SRBD1: variants seen among roughly 807,000 people sequenced by gnomAD.
The protein encoded by SRBD1 is S1 RNA-binding domain-containing protein 1.
Under a neutral mutation model 115.3 loss-of-function variants are expected in SRBD1, and 88 were observed. The observed-to-expected ratio is 0.76, with a 90% CI of 0.64 to 0.91. The LOEUF is 0.91. SRBD1 is among the 40% of genes least tolerant of loss of function. The pLI is 0.00. For synonymous variants in SRBD1, 509 were observed against 407.7 expected (o/e 1.25, Z -2.99); for missense variants, 1,385 against 1,177.4 (o/e 1.18, Z -2.58).
chr2:45,468,305 C>T (rs554794238), intron 16 of SRBD1, among the ~76,000 whole-genome samples: 7 of 151,846 alleles, frequency 4.6e-5, no homozygotes, highest in Non-Finnish European at 1.0e-4. Context: ...ACAGTCTTGA[C>T]TTTACTAGTG....
rs575394994 is a variant in SRBD1, at chr2:45,404,946, T to C, written c.2513+8168A>G. On this transcript the variant is annotated intron_variant, in intron 19 of 20. Coordinates refer to ENST00000263736, the MANE Select transcript of SRBD1 (RefSeq NM_018079.5). ...TCTGGCTCCTCTTCCTGGAACTCTT[T>C]CTCTAGATATCTGCACAGCTAACTC... Among the ~76,000 whole-genome samples the C allele has an allele frequency of 4.6e-5, 7 of 152,192 alleles. No individual in the cohort carries two copies. The East Asian group carries it at 1.4e-3, about 29-fold the overall frequency.
intron 14 of SRBD1, among the ~76,000 whole-genome samples, chr2:45,513,444 GTTAA>G (rs1671030195): frequency 1.3e-5 from 2 of 149,926 alleles, no homozygotes; most frequent in Non-Finnish European, 3.0e-5. Flanking sequence ...CAACTGACCA[GTTAA>G]TAAAATACTT....
In SRBD1 at chr2:45,599,629, G is replaced by C. The variant is rs753341015; in HGVS notation, c.468C>G (p.Ser156=). The C allele has an allele frequency of 1.2e-6, 2 of 1,614,184 alleles. No individual in the cohort carries two copies. The highest frequency in any genetic ancestry group is 4.5e-5 in the East Asian group (2 of 44,884). The change falls in exon 4 of 21, where the codon TCC becomes TCG. Residue 156 remains serine, a synonymous_variant. Coordinates refer to ENST00000263736, the MANE Select transcript of SRBD1 (RefSeq NM_018079.5). ...EGESNSSETP[S]TSTVWGGTCK... ...ATGTACCTCCCCACACAGTGCTTGT[G>C]GATGGTGTCTCTGAACTATTACTCT...
intron 15 of SRBD1, 152 bp from the exon 16 acceptor site, chr2:45,477,227 T>C (rs546591254): frequency 3.1e-6 from 2 of 639,248 alleles, no homozygotes; most frequent in African/African-American, 3.7e-5. Flanking sequence ...TTCAAAGTTC[T>C]CTTTTTTCCC....
chr2:45,605,452 CAG>C lies in SRBD1; in HGVS notation c.1-13_1-12del, dbSNP rs1558509151. 2 of 1,611,912 alleles carry C rather than the reference CAG, an allele frequency of 1.2e-6. No homozygotes were observed. The highest frequency in any genetic ancestry group is 1.1e-5 in the South Asian group (1 of 90,904). ...TGGCAATGATGACATCTAGAAGAAA[CAG>C]AAAATAAAATCAGCAACACTTGAAT... is the stretch of plus-strand genomic sequence containing the variant. On this transcript the variant is annotated splice_polypyrimidine_tract_variant and intron_variant, in intron 1 of 20. Transcript: ENST00000263736.
At chr2:45,449,055 GTTTAAT>G (rs1668911460) in intron 16 of SRBD1, among the ~76,000 whole-genome samples, 3 of 152,212 alleles carry the variant, frequency 2.0e-5, no homozygotes, top group South Asian at 2.1e-4. Flanking sequence ...TTCTTTGGAA[GTTTAAT>G]TTTAAACGAT....
intron 16 of SRBD1, among the ~76,000 whole-genome samples, chr2:45,442,101 A>G (rs1668687188): frequency 6.6e-6 from 1 of 152,196 alleles, no homozygotes. Context: ...CATACAATAA[A>G]AAGATACCAA....
At chr2:45,413,052 G>A in intron 19 of SRBD1, 62 bp downstream of exon 19, 1 of 1,513,298 alleles carries the variant, frequency 6.6e-7, no homozygotes, top group Non-Finnish European at 8.9e-7. Context: ...CAAAACAAAG[G>A]CCATTTGCTG....
intron 4 of SRBD1, among the ~76,000 whole-genome samples, chr2:45,596,938 A>ACC (rs1673915076): frequency 6.8e-6 from 1 of 147,896 alleles, no homozygotes; most frequent in African/African-American, 2.5e-5. Flanking sequence ...TAACACACAC[A>ACC]CACACACACA....
chr2:45,414,541 ACATAGT>A (rs1667712248), intron 18 of SRBD1, among the ~76,000 whole-genome samples: 1 of 144,782 alleles, frequency 6.9e-6, no homozygotes, highest in Non-Finnish European at 1.5e-5. Flanking sequence ...GTGTGTACAC[ACATAGT>A]GTCTGTAGTG....
At chr2:45,532,885 C>T (rs371720658) in intron 14 of SRBD1, among the ~76,000 whole-genome samples, 2 of 152,054 alleles carry the variant, frequency 1.3e-5, no homozygotes, top group East Asian at 3.9e-4. Flanking sequence ...TTCTGGCCCC[C>T]GAATCTCCAA....
rs531282972 is a variant in SRBD1, at chr2:45,562,480, C to A, written c.1409+173G>T. 2.0e-3 allele frequency among the ~76,000 whole-genome samples: 309 copies of A among 152,328 alleles called. 1 individual carries two copies. The highest frequency in any genetic ancestry group is 7.1e-3 in the African/African-American group (296 of 41,582). ...AACTCCTGACCTCGCGATCCACCCC[C>A]CTCAGCCTCCGAAAGTGCTGGGATT... On this transcript the variant is annotated intron_variant, in intron 10 of 20. Coordinates refer to ENST00000263736, the MANE Select transcript of SRBD1 (RefSeq NM_018079.5).
intron 10 of SRBD1, among the ~76,000 whole-genome samples, chr2:45,560,988 T>A (rs1432081058): frequency 6.6e-6 from 1 of 150,650 alleles, no homozygotes; most frequent in South Asian, 2.1e-4. Flanking sequence ...GCACCTATGG[T>A]CCCAGCTACA....
In SRBD1 at chr2:45,389,618, A is replaced by G; in HGVS notation, c.2699-19T>C. ...TCAAAATCTGTAAGAGAAAAAAAGT[A>G]AGTGTAAATAAGGCATTGTACTTCC... On this transcript the variant is annotated intron_variant, in intron 20 of 20. Coordinates refer to ENST00000263736, the MANE Select transcript of SRBD1 (RefSeq NM_018079.5). The G allele has an allele frequency of 6.2e-7, 1 of 1,605,492 alleles. No homozygotes were observed.
intron 16 of SRBD1, among the ~76,000 whole-genome samples, chr2:45,433,367 G>A (rs919994675): frequency 1.3e-5 from 2 of 151,790 alleles, no homozygotes; most frequent in South Asian, 2.1e-4. Context: ...ACCTCAAAAC[G>A]TCATGCTGTA....
At chr2:45,441,022 A>G (rs1252107244) in intron 16 of SRBD1, among the ~76,000 whole-genome samples, 3 of 152,204 alleles carry the variant, frequency 2.0e-5, no homozygotes, top group African/African-American at 7.2e-5. Context: ...AGTTCTAAAG[A>G]TACATTTTCT....
intron 16 of SRBD1, among the ~76,000 whole-genome samples, chr2:45,421,383 T>G (rs1325464488): frequency 6.6e-6 from 1 of 151,354 alleles, no homozygotes; most frequent in East Asian, 1.9e-4. Context: ...GGCGGACACC[T>G]GTAGTCCCAG....
At chr2:45,394,738 A>T (rs778553631) in intron 19 of SRBD1, among the ~76,000 whole-genome samples, 1 of 152,128 alleles carries the variant, frequency 6.6e-6, no homozygotes. Flanking sequence ...AATGTGCAAC[A>T]CTCCTACATT....
chr2:45,509,598 AACACACACACACAC>A lies in SRBD1; in HGVS notation c.1875-21281_1875-21268del, dbSNP rs1179307941. On this transcript the variant is annotated intron_variant, in intron 14 of 20. Transcript: ENST00000263736. Reference sequence around the variant, plus strand: ...AGGACACAGCAAGACTCCGTCTCAAAACACACACACACACACACACACACACACACACACACACA... The same window carrying A: ...AGGACACAGCAAGACTCCGTCTCAAAACACACACACACACACACACACACA... Among the ~76,000 whole-genome samples the A allele has an allele frequency of 4.7e-3, 591 of 125,522 alleles. 5 individuals are homozygous for A. Among genetic ancestry groups the A allele is most frequent in the South Asian group, 0.025 (89 of 3,508 alleles). 82.3% of individuals were successfully genotyped at this position (125,522 alleles called of 152,430 possible).
Sources: gnomAD v4.1 joint callset for allele counts (sites outside exome capture counted in the v4.1 genomes callset) on GRCh38, gnomAD v4.1.1 for gene constraint, MANE v1.5 for transcripts, NCBI Gene and HGNC (gene_info 2026-07-23, HGNC 2026-07-21) for gene names.